Variants in ANKRA2 observed in about 807,000 individuals in gnomAD.
ANKRA2 encodes ankyrin repeat family A member 2.
In ANKRA2, 33 loss-of-function variants were observed where a neutral mutation model predicts 37.8. The ratio of observed to expected loss-of-function variants is 0.87; its 90% CI spans 0.66 to 1.17. ANKRA2 has a LOEUF of 1.17. Among genes scored for constraint, ANKRA2 ranks in the 50% most tolerant of loss-of-function variants. The pLI is 0.00. For missense variants in ANKRA2, 326 were observed against 373.7 expected, an observed-to-expected ratio of 0.87 and a Z score of 1.05; for synonymous variants, 126 against 132.3, an observed-to-expected ratio of 0.95 and a Z score of 0.33.
intron 6 of ANKRA2, 85 bp from the exon 7 acceptor site, chr5:73,554,473 A>G: frequency 1.1e-6 from 1 of 872,434 alleles, no homozygotes; most frequent in Non-Finnish European, 1.8e-6. Context: ...TTTTACTAGA[A>G]TTAGACATAT....
At chr5:73,555,965 T>G (rs1580376978) in intron 4 of ANKRA2, among the ~76,000 whole-genome samples, 1 of 152,224 alleles carries the variant, frequency 6.6e-6, no homozygotes, top group African/African-American at 2.4e-5. Flanking sequence ...ATATACAGAA[T>G]TCCTTGCTTA....
At position 73,552,848 on chromosome 5, in the gene ANKRA2, T is replaced by C. The variant is rs2112003908; in HGVS notation, c.891A>G (p.Gln297=). 2 of 1,602,994 alleles carry C rather than the reference T, an allele frequency of 1.2e-6. No homozygotes were observed. The highest frequency in any genetic ancestry group is 1.7e-6 in the Non-Finnish European group (2 of 1,170,882). The change falls in exon 9 of 9, where the codon CAA becomes CAG. Residue 297 remains glutamine, a synonymous_variant. Transcript: ENST00000296785. The part of the protein sequence containing the change: ...LAVALGYRSV[Q]QVIESHLLKL... Reference sequence around the variant, plus strand: ...TCAACAAATGTGACTCAATAACCTGTTGAACTAGAACAGATAGGTAATCAA... The same window carrying C: ...TCAACAAATGTGACTCAATAACCTGCTGAACTAGAACAGATAGGTAATCAA...
intron 1 of ANKRA2, among the ~76,000 whole-genome samples, chr5:73,563,531 T>C (rs542261041): frequency 6.6e-6 from 1 of 152,354 alleles, no homozygotes; most frequent in Non-Finnish European, 1.5e-5. Context: ...CTGTGATTCC[T>C]AGACCATGAA....
intron 1 of ANKRA2, among the ~76,000 whole-genome samples, chr5:73,564,657 T>C (rs1439331061): frequency 6.6e-6 from 1 of 152,132 alleles, no homozygotes; most frequent in South Asian, 2.1e-4. Flanking sequence ...TATAAAAAGG[T>C]GTTGAAATAG....
chr5:73,563,092 A>G, intron 1 of ANKRA2, 107 bp from the exon 2 acceptor site: 1 of 466,764 alleles, frequency 2.1e-6, no homozygotes, highest in Non-Finnish European at 3.7e-6. Context: ...GAAAGCACCT[A>G]CACATAATAG....
chr5:73,564,827 G>T (rs1561272835), intron 1 of ANKRA2, among the ~76,000 whole-genome samples: 1 of 152,138 alleles, frequency 6.6e-6, no homozygotes, highest in African/African-American at 2.4e-5. Context: ...TTTAACGAGA[G>T]GAGAAGCAAA....
chr5:73,553,960 G>A (rs891561947), intron 7 of ANKRA2, among the ~76,000 whole-genome samples: 4 of 151,956 alleles, frequency 2.6e-5, no homozygotes, highest in Admixed American at 6.6e-5. Context: ...CTGTAGAGAC[G>A]GGGTTTCGCC....
At chr5:73,560,753 G>A (rs1435064511) in intron 3 of ANKRA2, among the ~76,000 whole-genome samples, 1 of 152,128 alleles carries the variant, frequency 6.6e-6, no homozygotes, top group Admixed American at 6.6e-5. Flanking sequence ...CTCCTGTCTA[G>A]CTAAAACTTT....
At chr5:73,561,102 T>C (rs756517030) in intron 3 of ANKRA2, 28 bp downstream of exon 3, 15 of 1,563,638 alleles carry the variant, frequency 9.6e-6, no homozygotes, top group Non-Finnish European at 1.3e-5. Context: ...ATTAAGAATA[T>C]AGTAATACAT....
chr5:73,553,107 T>C (rs1343546550), intron 8 of ANKRA2, among the ~76,000 whole-genome samples: 3 of 152,182 alleles, frequency 2.0e-5, no homozygotes, highest in African/African-American at 7.2e-5. Flanking sequence ...GAGTCCAGAA[T>C]ACAAGGTTAT....
At position 73,555,549 on chromosome 5, in the gene ANKRA2, G is replaced by A. The variant is rs748510138; in HGVS notation, c.551C>T (p.Thr184Ile). ...VINHTDEEGF[T>I]PLMWAAAHGQ... ...GTGTGCTGCAGCCCACATCAGAGGA[G>A]TAAATCCTTCTTCATCCGTGTGATT... Residue 184 changes from threonine to isoleucine, a missense_variant, in exon 5 of 9, where the codon ACT (threonine) becomes ATT (isoleucine). This residue lies in a region of ANKRA2 where 228 missense variants were observed against 260.2 expected (regional missense o/e 0.88). Transcript: ENST00000296785. The A allele has an allele frequency of 1.2e-6, 2 of 1,613,892 alleles. No individual in the cohort carries two copies. Among genetic ancestry groups the A allele is most frequent in the Admixed American group, 1.7e-5 (1 of 60,002 alleles).
intron 5 of ANKRA2, 190 bp from the exon 6 acceptor site, chr5:73,555,176 TA>T (rs1386308356): frequency 7.1e-7 from 1 of 1,409,236 alleles, no homozygotes; most frequent in Non-Finnish European, 9.2e-7. Context: ...CTCCGTCCTG[TA>T]TCAATCCTAA....
intron 4 of ANKRA2, among the ~76,000 whole-genome samples, chr5:73,556,105 G>A (rs1747392281): frequency 6.6e-6 from 1 of 152,194 alleles, no homozygotes; most frequent in Admixed American, 6.5e-5. Context: ...ATTGCTGCCT[G>A]TGAATTTCTC....
chr5:73,559,348 TTTTC>T (rs1395753632), intron 3 of ANKRA2, among the ~76,000 whole-genome samples: 3 of 80,516 alleles, frequency 3.7e-5, no homozygotes, highest in Non-Finnish European at 8.4e-5. Context: ...CAGTTGCTGT[TTTTC>T]TTTTTTTTAA....
At chr5:73,560,006 C>T (rs1025605459) in intron 3 of ANKRA2, among the ~76,000 whole-genome samples, 1 of 152,106 alleles carries the variant, frequency 6.6e-6, no homozygotes, top group Non-Finnish European at 1.5e-5. Context: ...TCAAGTAATC[C>T]TCCTACCTCA....
Position 73,562,868 on chromosome 5 carries a change from G to A in ANKRA2, c.14C>T (p.Thr5Ile), listed in dbSNP as rs1747593405. Residue 5 changes from threonine to isoleucine, a missense_variant, in exon 2 of 9, where the codon ACA becomes ATA. Around this residue, in one of 3 missense-constraint regions of ANKRA2, gnomAD observed 93 missense variants for 91.1 expected, o/e 1.02. Transcript: ENST00000296785. Reference sequence around the variant, plus strand: ...AAGCTGGGCTCCAATATCCAGATTTGTTGATGTATCCATGATTTCAACTGT... The same window carrying A: ...AAGCTGGGCTCCAATATCCAGATTTATTGATGTATCCATGATTTCAACTGT... MDTS[T>I]NLDIGAQLIV... The A allele has an allele frequency of 6.2e-7, 1 of 1,606,902 alleles. No homozygotes were observed. Among genetic ancestry groups the A allele is most frequent in the Non-Finnish European group, 8.5e-7 (1 of 1,175,662 alleles).
intron 1 of ANKRA2, among the ~76,000 whole-genome samples, chr5:73,564,793 T>C (rs1250941826): frequency 6.6e-6 from 1 of 151,756 alleles, no homozygotes; most frequent in Non-Finnish European, 1.5e-5. Context: ...GGGTGGAAAA[T>C]GAACGCTTAT....
intron 4 of ANKRA2, 194 bp downstream of exon 4, chr5:73,557,381 G>A: frequency 2.8e-6 from 1 of 351,424 alleles, no homozygotes; most frequent in Middle Eastern, 8.0e-4. Context: ...AAAGGCAACG[G>A]TGGTAAAGGA....
chr5:73,555,312 A>G (rs1747369517), intron 5 of ANKRA2, 176 bp downstream of exon 5: 4 of 1,232,876 alleles, frequency 3.2e-6, no homozygotes, highest in African/African-American at 1.5e-5. Context: ...TCACTGTTGC[A>G]TGTATGATTA....
Sources: allele counts gnomAD v4.1 joint callset (sites outside exome capture counted in the v4.1 genomes callset), GRCh38; gene constraint gnomAD v4.1.1; regional missense constraint gnomAD v4.1.1; transcripts MANE v1.5; gene names NCBI Gene and HGNC (gene_info 2026-07-23, HGNC 2026-07-21).